Variants in HNRNPD observed in about 807,000 individuals in gnomAD.
HNRNPD encodes heterogeneous nuclear ribonucleoprotein D.
A neutral mutation model predicts 47.9 loss-of-function variants in HNRNPD; 3 were observed. The ratio of observed to expected loss-of-function variants is 0.06; its 90% CI spans 0.03 to 0.16. HNRNPD has a LOEUF of 0.16. Ranked by LOEUF, HNRNPD falls within the 10% of genes least tolerant of loss-of-function variation. The pLI is 1.00. For missense variants in HNRNPD, 287 were observed against 454.2 expected, an observed-to-expected ratio of 0.63 and a Z score of 3.35; for synonymous variants, 171 against 165.1, an observed-to-expected ratio of 1.04 and a Z score of -0.28.
chr4:82,360,148 G>C (rs1723897641), intron 2 of HNRNPD, among the ~76,000 whole-genome samples: 1 of 151,988 alleles, frequency 6.6e-6, no homozygotes, highest in South Asian at 2.1e-4. Flanking sequence ...TAAGTTGTGA[G>C]CCAATTTTTT....
In HNRNPD at chr4:82,353,897, C is replaced by CT. The variant is rs1213011713; in HGVS notation, c.*287dup. 1 of 152,550 alleles carries CT rather than the reference C, an allele frequency of 6.6e-6. No homozygotes were observed. Among genetic ancestry groups the CT allele is most frequent in the African/African-American group, 2.4e-5 (1 of 41,422 alleles). The allele number at this position is 152,550 out of a possible 1,614,324, so 9.4% of individuals were successfully genotyped here. ...TACATCATGACACTGTCACACTGGG[C>CT]TTTTAACACAAGACTTGCTCTACAA... On this transcript the variant is annotated 3_prime_UTR_variant, in exon 9 of 9. Coordinates refer to ENST00000313899, the MANE Select transcript of HNRNPD (RefSeq NM_031370.3).
rs1040072337 is a variant in HNRNPD, at chr4:82,353,651, C to G, written c.*534G>C. 1.3e-5 allele frequency: 2 copies of G among 152,554 alleles called. No homozygotes were observed. Among genetic ancestry groups the G allele is most frequent in the African/African-American group, 4.8e-5 (2 of 41,442 alleles). The allele number at this position is 152,554 out of a possible 1,614,324, so 9.5% of individuals were successfully genotyped here. The stretch of plus-strand genomic sequence containing the variant: ...AAACAAATTGACATTAAGTCATTCC[C>G]AATTTGGACAGGGAGGACACATTAT... On this transcript the variant is annotated 3_prime_UTR_variant, in exon 9 of 9. Coordinates refer to ENST00000313899, the MANE Select transcript of HNRNPD (RefSeq NM_031370.3).
intron 2 of HNRNPD, among the ~76,000 whole-genome samples, chr4:82,369,906 G>C (rs1163916020): frequency 6.6e-6 from 1 of 152,228 alleles, no homozygotes; most frequent in African/African-American, 2.4e-5. Context: ...ACTTGGGGAG[G>C]CCGAGGCAGG....
intron 2 of HNRNPD, 145 bp downstream of exon 2, chr4:82,371,383 G>A: frequency 1.9e-6 from 1 of 532,174 alleles, no homozygotes; most frequent in Non-Finnish European, 3.2e-6. Flanking sequence ...GCCTATAAAA[G>A]GTATATATCC....
At chr4:82,360,177 TAAGAC>T (rs1257973152) in intron 2 of HNRNPD, among the ~76,000 whole-genome samples, 1 of 152,102 alleles carries the variant, frequency 6.6e-6, no homozygotes, top group Non-Finnish European at 1.5e-5. Context: ...TAAGAGTCCT[TAAGAC>T]AAAAGTAATG....
intron 2 of HNRNPD, among the ~76,000 whole-genome samples, chr4:82,364,966 T>C (rs1260791394): frequency 6.6e-6 from 1 of 152,228 alleles, no homozygotes; most frequent in East Asian, 1.9e-4. Context: ...AAGTCTTTAT[T>C]GTCAAACACC....
chr4:82,371,567 G>A lies in HNRNPD; in HGVS notation c.251C>T (p.Pro84Leu). 1 of 1,613,152 alleles carries A rather than the reference G, an allele frequency of 6.2e-7. No homozygotes were observed. The highest frequency in any genetic ancestry group is 8.5e-7 in the Non-Finnish European group (1 of 1,179,326). ...TGCCGTCGCTGCTTCAGAGTGTCGT[G>A]GGGAGGAGTTTGAATGGCTAGGGAA... is the stretch of plus-strand genomic sequence containing the variant. Reference protein sequence around the residue: ...EEDEGHSNSSPRHSEAATAQR... With the variant: ...EEDEGHSNSSLRHSEAATAQR... Residue 84 changes from proline (P) to leucine (L), a missense_variant, in exon 2 of 9, where the codon CCA (proline) becomes CTA (leucine). Pro to Leu is a moderately conservative substitution (Grantham distance 98). Transcript: ENST00000313899.
intron 2 of HNRNPD, among the ~76,000 whole-genome samples, chr4:82,361,115 TG>T (rs1719394096): frequency 6.6e-6 from 1 of 152,252 alleles, no homozygotes; most frequent in African/African-American, 2.4e-5. Context: ...TAATGTTTTG[TG>T]TATTTGAAAT....
At chr4:82,359,073 C>G (rs1054614665) in intron 3 of HNRNPD, among the ~76,000 whole-genome samples, 1 of 152,086 alleles carries the variant, frequency 6.6e-6, no homozygotes, top group Non-Finnish European at 1.5e-5. Flanking sequence ...TATATACAAA[C>G]ATGACTGCTA....
chr4:82,359,432 TTTTA>T, intron 3 of HNRNPD, 35 bp downstream of exon 3: 1 of 1,336,882 alleles, frequency 7.5e-7, no homozygotes. Context: ...TATGTTAATA[TTTTA>T]TATTATTAAC....
At chr4:82,366,007 GTA>G (rs1719736291) in intron 2 of HNRNPD, among the ~76,000 whole-genome samples, 1 of 151,852 alleles carries the variant, frequency 6.6e-6, no homozygotes, top group Admixed American at 6.6e-5. Flanking sequence ...ATAAATTTTG[GTA>G]TTATTTCCCC....
rs187592029 is a variant in HNRNPD at position 82,370,005 on chromosome 4, G to A, written c.290+1523C>T. On this transcript the variant is annotated intron_variant, in intron 2 of 8. Coordinates refer to ENST00000313899, the MANE Select transcript of HNRNPD (RefSeq NM_031370.3). ...TAAAAATACAAAATTAGCCAGGCATGGTGGAATATGCCTGTAATCCCAACT... is the reference window on the plus strand; with the variant it reads ...TAAAAATACAAAATTAGCCAGGCATAGTGGAATATGCCTGTAATCCCAACT... 7.2e-5 allele frequency among the ~76,000 whole-genome samples: 11 copies of A among 152,228 alleles called. No homozygotes were observed. In the East Asian group the frequency reaches 1.9e-3, roughly 27 times the overall value.
chr4:82,363,056 A>G (rs543300538), intron 2 of HNRNPD, among the ~76,000 whole-genome samples: 168 of 122,930 alleles, frequency 1.4e-3, no homozygotes, highest in Middle Eastern at 4.4e-3. Context: ...GTGTATATAT[A>G]TATATATATA....
At chr4:82,365,540 G>T (rs1436355731) in intron 2 of HNRNPD, among the ~76,000 whole-genome samples, 1 of 151,846 alleles carries the variant, frequency 6.6e-6, no homozygotes, top group East Asian at 1.9e-4. Flanking sequence ...TTGGGAGAGA[G>T]CTTGACAAGC....
Position 82,356,912 on chromosome 4 carries a change from AC to A in HNRNPD, c.754-18del, listed in dbSNP as rs1403555468. 4 of 1,575,046 alleles carry A rather than the reference AC, an allele frequency of 2.5e-6. No individual in the cohort carries two copies. The highest frequency in any genetic ancestry group is 1.1e-5 in the South Asian group (1 of 90,234). The stretch of plus-strand genomic sequence containing the variant: ...TATTTCACACTAAAAGAGAAAAATT[AC>A]ATTATTAAACTGACTCAAGAAAATA... On this transcript the variant is annotated intron_variant, in intron 5 of 8. Coordinates refer to ENST00000313899, the MANE Select transcript of HNRNPD (RefSeq NM_031370.3).
intron 7 of HNRNPD, 127 bp downstream of exon 7, chr4:82,356,410 C>G (rs1039239535): frequency 1.4e-6 from 1 of 711,104 alleles, no homozygotes; most frequent in African/African-American, 1.8e-5. Flanking sequence ...GCTGCAGTTT[C>G]AAGTTTCCAG....
rs1212727844 is a variant in HNRNPD at position 82,373,663 on chromosome 4, A to G, written c.16T>C (p.Phe6Leu). The G allele has an allele frequency of 1.3e-6, 2 of 1,527,534 alleles. No homozygotes were observed. Among genetic ancestry groups the G allele is most frequent in the South Asian group, 1.2e-5 (1 of 83,704 alleles). 94.6% of individuals were successfully genotyped at this position (1,527,534 alleles called of 1,614,324 possible). ...GCTGCCGCCGCCCCGTCCCCGCCGA[A>G]CTGCTCCTCCGACATAGTGCTAGTG... MSEEQ[F>L]GGDGAAAAAT... The change falls in exon 1 of 9, where the codon TTC becomes CTC. Residue 6 changes from phenylalanine (F) to leucine (L), a missense_variant. This residue lies in a region of HNRNPD where 161 missense variants were observed against 137.1 expected (regional missense o/e 1.17). Coordinates refer to ENST00000313899, the MANE Select transcript of HNRNPD (RefSeq NM_031370.3).
chr4:82,372,872 A>C (rs763292915), intron 1 of HNRNPD, among the ~76,000 whole-genome samples: 11 of 152,238 alleles, frequency 7.2e-5, no homozygotes, highest in Non-Finnish European at 1.5e-4. Context: ...GTAAATCCTT[A>C]GGCGAAACTT....
At chr4:82,369,785 T>C (rs999993684) in intron 2 of HNRNPD, among the ~76,000 whole-genome samples, 1 of 151,994 alleles carries the variant, frequency 6.6e-6, no homozygotes, top group African/African-American at 2.4e-5. Context: ...ATTGGAAAGT[T>C]AAGAAAAGTC....
Sources: gnomAD v4.1 joint callset for allele counts (sites outside exome capture counted in the v4.1 genomes callset) on GRCh38, gnomAD v4.1.1 for gene constraint, gnomAD v4.1.1 regional missense constraint, MANE v1.5 for transcripts, NCBI Gene and HGNC (gene_info 2026-07-23, HGNC 2026-07-21) for gene names.